SNX29: variants seen among roughly 807,000 people sequenced by gnomAD.
The protein encoded by SNX29 is sorting nexin 29, also known as sorting nexin-29.
A neutral mutation model predicts 102.1 loss-of-function variants in SNX29; 78 were observed. The ratio of observed to expected loss-of-function variants is 0.76; its 90% CI spans 0.64 to 0.92. The LOEUF is 0.92. Ranked by LOEUF, SNX29 falls within the 40% of genes least tolerant of loss-of-function variation. The pLI, the probability that SNX29 is intolerant of heterozygous loss-of-function variation, is 0.00. For missense variants in SNX29, 1,280 were observed against 1,061.7 expected, an observed-to-expected ratio of 1.21 and a Z score of -2.86; for synonymous variants, 580 against 414.5, an observed-to-expected ratio of 1.40 and a Z score of -4.85.
intron 16 of SNX29, among the ~76,000 whole-genome samples, chr16:12,386,321 C>G (rs1391826790): frequency 2.6e-5 from 4 of 152,206 alleles, no homozygotes; most frequent in African/African-American, 9.7e-5. Flanking sequence ...CTTCTTAGTA[C>G]TTTATGCAAA....
intron 19 of SNX29, among the ~76,000 whole-genome samples, chr16:12,508,825 T>C (rs1312803230): frequency 6.6e-6 from 1 of 152,144 alleles, no homozygotes; most frequent in South Asian, 2.1e-4. Context: ...TCCCCAGCCA[T>C]GTCCTACCCT....
At chr16:12,366,300 A>G (rs1289045453) in intron 16 of SNX29, among the ~76,000 whole-genome samples, 4 of 152,186 alleles carry the variant, frequency 2.6e-5, no homozygotes, top group Middle Eastern at 3.2e-3. Flanking sequence ...CCCAAGGAAC[A>G]CTATTGCAGT....
chr16:12,202,204 G>A (rs905952), intron 14 of SNX29, among the ~76,000 whole-genome samples: 46,006 of 151,968 alleles, frequency 0.3, 7,229 homozygotes, highest in East Asian at 0.44. Flanking sequence ...ATAAACATTG[G>A]CAACCTTTAA....
chr16:12,070,579 G>T (rs2051249980), intron 10 of SNX29, among the ~76,000 whole-genome samples: 1 of 151,692 alleles, frequency 6.6e-6, no homozygotes, highest in African/African-American at 2.4e-5. Flanking sequence ...GTCTATCTTT[G>T]TTGGACATTC....
intron 13 of SNX29, among the ~76,000 whole-genome samples, chr16:12,173,435 C>T (rs2076193561): frequency 6.6e-6 from 1 of 152,196 alleles, no homozygotes; most frequent in South Asian, 2.1e-4. Flanking sequence ...TTCAATAAAA[C>T]TTTATTTACA....
intron 14 of SNX29, among the ~76,000 whole-genome samples, chr16:12,256,578 T>A (rs2078580409): frequency 6.6e-6 from 1 of 152,174 alleles, no homozygotes; most frequent in Non-Finnish European, 1.5e-5. Flanking sequence ...TCCGCCTGCT[T>A]CGGCCCCCAA....
intron 18 of SNX29, among the ~76,000 whole-genome samples, chr16:12,467,215 C>G (rs2087095976): frequency 6.6e-6 from 1 of 152,278 alleles, no homozygotes; most frequent in South Asian, 2.1e-4. Flanking sequence ...GTGAATGGGC[C>G]AACCATGGTC....
chr16:12,559,353 C>T lies in SNX29; in HGVS notation c.2319-9153C>T, dbSNP rs139949144. On this transcript the variant is annotated intron_variant, in intron 20 of 20. Transcript: ENST00000566228. The stretch of plus-strand genomic sequence containing the variant: ...AGGGATCTAGGCTGCATGCTACTTA[C>T]GAGAATCTCATGCCTGATGATCTCT... Among the ~76,000 whole-genome samples the T allele has an allele frequency of 1.9e-3, 291 of 151,802 alleles. 11 individuals are homozygous for T. In the East Asian group the frequency reaches 0.04, roughly 21 times the overall value.
At chr16:12,065,276 T>C (rs890473971) in intron 9 of SNX29, among the ~76,000 whole-genome samples, 1 of 152,124 alleles carries the variant, frequency 6.6e-6, no homozygotes, top group African/African-American at 2.4e-5. Context: ...GTATGTGGTG[T>C]CTATACCTGA....
intron 20 of SNX29, among the ~76,000 whole-genome samples, chr16:12,544,446 T>C (rs138285002): frequency 1.3e-5 from 2 of 152,338 alleles, no homozygotes; most frequent in African/African-American, 4.8e-5. Flanking sequence ...TCTCTTTCTC[T>C]ACCCTATCTC....
intron 19 of SNX29, among the ~76,000 whole-genome samples, chr16:12,515,973 C>G (rs936737395): frequency 6.6e-6 from 1 of 152,062 alleles, no homozygotes; most frequent in African/African-American, 2.4e-5. Flanking sequence ...CTACATGCTC[C>G]CAGAGAAAGG....
intron 14 of SNX29, among the ~76,000 whole-genome samples, chr16:12,268,409 C>G (rs527733034): frequency 2.0e-5 from 3 of 152,302 alleles, no homozygotes; most frequent in African/African-American, 7.2e-5. Context: ...ACTTTGACTC[C>G]CAGGGTCTGT....
intron 11 of SNX29, among the ~76,000 whole-genome samples, chr16:12,117,143 T>A: frequency 6.8e-6 from 1 of 147,174 alleles, no homozygotes; most frequent in Admixed American, 6.8e-5. Context: ...GGTCAATACG[T>A]GCTTCAGTGC....
intron 20 of SNX29, among the ~76,000 whole-genome samples, chr16:12,553,470 C>G (rs1166916548): frequency 6.6e-6 from 1 of 152,098 alleles, no homozygotes; most frequent in Non-Finnish European, 1.5e-5. Context: ...TCAGACCAGC[C>G]CCAGCTGCTT....
At chr16:12,551,964 T>TGC (rs2078004926) in intron 20 of SNX29, among the ~76,000 whole-genome samples, 1 of 152,208 alleles carries the variant, frequency 6.6e-6, no homozygotes, top group East Asian at 1.9e-4. Flanking sequence ...AGCCAGGCTG[T>TGC]GCCCAACACA....
At chr16:12,174,518 T>C (rs549774620) in intron 13 of SNX29, among the ~76,000 whole-genome samples, 1 of 152,294 alleles carries the variant, frequency 6.6e-6, no homozygotes, top group African/African-American at 2.4e-5. Flanking sequence ...AGATTTATCA[T>C]GGGATTTTGG....
At chr16:12,312,990 C>G (rs1179857719) in intron 15 of SNX29, among the ~76,000 whole-genome samples, 1 of 150,392 alleles carries the variant, frequency 6.6e-6, no homozygotes, top group Non-Finnish European at 1.5e-5. Flanking sequence ...CATAAAGGAG[C>G]TTCGGACCCT....
intron 14 of SNX29, among the ~76,000 whole-genome samples, chr16:12,244,148 C>T (rs1012012284): frequency 5.3e-5 from 8 of 152,106 alleles, no homozygotes; most frequent in Admixed American, 2.0e-4. Context: ...GGAGCTCAGG[C>T]GGTGATGCTC....
intron 18 of SNX29, among the ~76,000 whole-genome samples, chr16:12,405,425 G>A (rs1163520597): frequency 6.6e-6 from 1 of 152,196 alleles, no homozygotes; most frequent in Non-Finnish European, 1.5e-5. Context: ...GCTCTCATGG[G>A]TTCAGCCCTG....
Sources: gnomAD v4.1 joint callset for allele counts (sites outside exome capture counted in the v4.1 genomes callset) on GRCh38, gnomAD v4.1.1 for gene constraint, MANE v1.5 for transcripts, NCBI Gene and HGNC (gene_info 2026-07-23, HGNC 2026-07-21) for gene names.